Variants in EXOC4 observed in about 807,000 individuals in gnomAD.
The protein encoded by EXOC4 is SEC8-like 1.
In EXOC4, 71 loss-of-function variants were observed where a neutral mutation model predicts 107.2. The ratio of observed to expected loss-of-function variants is 0.66; its 90% CI spans 0.55 to 0.81. EXOC4 has a LOEUF of 0.81. EXOC4 is among the 30% of genes least tolerant of loss of function. The pLI, the probability that EXOC4 is intolerant of heterozygous loss-of-function variation, is 0.00. For missense variants in EXOC4, 1,108 were observed against 1,189.6 expected, an observed-to-expected ratio of 0.93 and a Z score of 1.01; for synonymous variants, 456 against 441.2, an observed-to-expected ratio of 1.03 and a Z score of -0.42.
intron 9 of EXOC4, among the ~76,000 whole-genome samples, chr7:133,495,571 C>A (rs1799458279): frequency 6.6e-6 from 1 of 152,128 alleles, no homozygotes; most frequent in Middle Eastern, 3.2e-3. Flanking sequence ...TTTACCTATT[C>A]TTTAAATAAA....
chr7:133,325,480 G>C (rs188738279), intron 5 of EXOC4, among the ~76,000 whole-genome samples: 2 of 152,132 alleles, frequency 1.3e-5, no homozygotes, highest in African/African-American at 4.8e-5. Context: ...AGCTTAGTTT[G>C]GCTGGATATG....
intron 11 of EXOC4, among the ~76,000 whole-genome samples, chr7:133,880,348 A>G (rs935860369): frequency 2.0e-5 from 3 of 152,174 alleles, no homozygotes; most frequent in Non-Finnish European, 2.9e-5. Context: ...AACATGTAGC[A>G]TCTTCTATTT....
intron 7 of EXOC4, among the ~76,000 whole-genome samples, chr7:133,441,598 G>A: frequency 6.6e-6 from 1 of 152,014 alleles, no homozygotes; most frequent in East Asian, 1.9e-4. Flanking sequence ...TTCACCATGT[G>A]GCCAGGCTGG....
In EXOC4 at chr7:134,065,333, C is replaced by T. The variant is rs1339350221; in HGVS notation, c.*805C>T. The T allele has an allele frequency of 6.6e-6, 1 of 152,050 alleles. No individual in the cohort carries two copies. Among genetic ancestry groups the T allele is most frequent in the Non-Finnish European group, 1.5e-5 (1 of 68,036 alleles). The allele number at this position is 152,050 out of a possible 1,614,324, so 9.4% of individuals were successfully genotyped here. On this transcript the variant is annotated 3_prime_UTR_variant, in exon 18 of 18. Coordinates refer to ENST00000253861, the MANE Select transcript of EXOC4 (RefSeq NM_021807.4). ...AGAGAATAATGGTTAGAGAACATTGCATCTCACTTGAAACATCCTTTGGGG... is the reference window on the plus strand; with the variant it reads ...AGAGAATAATGGTTAGAGAACATTGTATCTCACTTGAAACATCCTTTGGGG...
intron 14 of EXOC4, among the ~76,000 whole-genome samples, chr7:133,940,583 A>G (rs1408052420): frequency 6.6e-6 from 1 of 152,198 alleles, no homozygotes; most frequent in African/African-American, 2.4e-5. Context: ...AAAACAAAGC[A>G]TCAAGCAAGC....
chr7:133,440,501 GGT>G (rs2150790370), intron 7 of EXOC4, among the ~76,000 whole-genome samples: 1 of 152,238 alleles, frequency 6.6e-6, no homozygotes, highest in East Asian at 1.9e-4. Context: ...CTCCATCTTG[GGT>G]AAGGGCTGGG....
At chr7:133,791,980 ACT>A (rs1796712011) in intron 10 of EXOC4, among the ~76,000 whole-genome samples, 2 of 151,960 alleles carry the variant, frequency 1.3e-5, no homozygotes, top group Non-Finnish European at 2.9e-5. Flanking sequence ...CGCAGATGAG[ACT>A]CTGTTGAAGG....
intron 1 of EXOC4, among the ~76,000 whole-genome samples, chr7:133,268,470 T>C (rs1185055151): frequency 1.3e-5 from 2 of 152,234 alleles, no homozygotes; most frequent in African/African-American, 4.8e-5. Context: ...GATCTTTCTT[T>C]TGTCTTTAAG....
At chr7:133,684,589 C>A (rs186997405) in intron 10 of EXOC4, among the ~76,000 whole-genome samples, 2 of 152,208 alleles carry the variant, frequency 1.3e-5, no homozygotes, top group Admixed American at 6.5e-5. Context: ...GACTTTGATT[C>A]CTGGCAAGGT....
chr7:133,710,350 A>T (rs1407596412), intron 10 of EXOC4, among the ~76,000 whole-genome samples: 1 of 152,144 alleles, frequency 6.6e-6, no homozygotes, highest in Non-Finnish European at 1.5e-5. Flanking sequence ...TGGACACAGA[A>T]ACTAGTTGTG....
intron 7 of EXOC4, among the ~76,000 whole-genome samples, chr7:133,404,572 C>T (rs1248050287): frequency 6.6e-6 from 1 of 151,936 alleles, no homozygotes; most frequent in Admixed American, 6.6e-5. Flanking sequence ...TGTAGAATTC[C>T]CTAAAGTGCT....
intron 17 of EXOC4, among the ~76,000 whole-genome samples, chr7:134,051,390 G>A (rs768537019): frequency 6.6e-6 from 1 of 152,134 alleles, no homozygotes; most frequent in Non-Finnish European, 1.5e-5. Flanking sequence ...TGGCTTCATG[G>A]GGCCAGGCAC....
intron 10 of EXOC4, among the ~76,000 whole-genome samples, chr7:133,752,348 GC>G (rs1795812354): frequency 6.6e-6 from 1 of 152,174 alleles, no homozygotes; most frequent in African/African-American, 2.4e-5. Context: ...TTTTGGACTT[GC>G]AACTGCCTTT....
At chr7:133,765,322 A>G (rs1194901100) in intron 10 of EXOC4, among the ~76,000 whole-genome samples, 1 of 152,046 alleles carries the variant, frequency 6.6e-6, no homozygotes, top group Admixed American at 6.6e-5. Flanking sequence ...ACTGGTTTAG[A>G]ATAACATGTA....
At chr7:133,977,411 A>G (rs1255815579) in intron 14 of EXOC4, among the ~76,000 whole-genome samples, 2 of 152,192 alleles carry the variant, frequency 1.3e-5, no homozygotes, top group African/African-American at 4.8e-5. Context: ...ACTAGAGTTT[A>G]TGTAGCAAAA....
At chr7:133,321,308 T>A (rs1795106136) in intron 5 of EXOC4, among the ~76,000 whole-genome samples, 1 of 152,118 alleles carries the variant, frequency 6.6e-6, no homozygotes. Context: ...AGTTCTGTGG[T>A]ACATGTGCAG....
chr7:133,352,240 G>C (rs1185803095), intron 5 of EXOC4, among the ~76,000 whole-genome samples: 2 of 151,806 alleles, frequency 1.3e-5, no homozygotes, highest in Admixed American at 6.6e-5. Flanking sequence ...CTGTCTGGTT[G>C]TTCTATCAAT....
intron 10 of EXOC4, among the ~76,000 whole-genome samples, chr7:133,783,049 G>C (rs1796500033): frequency 6.6e-6 from 1 of 152,118 alleles, no homozygotes; most frequent in Non-Finnish European, 1.5e-5. Flanking sequence ...CTTTAAAATG[G>C]GGAAAATGGG....
chr7:134,082,750 GT>G, the EXOC4 span, among the ~76,000 whole-genome samples: 1 of 152,150 alleles, frequency 6.6e-6, no homozygotes, highest in Non-Finnish European at 1.5e-5. Flanking sequence ...ACTACAACCT[GT>G]TTTATCAGCA....
Sources: gnomAD v4.1 joint callset for allele counts (sites outside exome capture counted in the v4.1 genomes callset) on GRCh38, gnomAD v4.1.1 for gene constraint, MANE v1.5 for transcripts, NCBI Gene and HGNC (gene_info 2026-07-23, HGNC 2026-07-21) for gene names.